RAB37: variants seen among roughly 807,000 people sequenced by gnomAD.
RAB37 encodes RAB37, member RAS oncogene family, also known as ras-related protein Rab-37.
A neutral mutation model predicts 33.1 loss-of-function variants in RAB37; 29 were observed. The ratio of observed to expected loss-of-function variants is 0.88; its 90% CI spans 0.65 to 1.20. The LOEUF (loss-of-function observed/expected upper bound fraction) is 1.20, where lower values mean the gene tolerates loss of function less well. Ranked by LOEUF, RAB37 falls within the 50% of genes most tolerant of loss-of-function variation. RAB37 has a pLI of 0.00. For missense variants in RAB37, 299 were observed against 301.1 expected, an observed-to-expected ratio of 0.99 and a Z score of 0.05; for synonymous variants, 128 against 119.5, an observed-to-expected ratio of 1.07 and a Z score of -0.47.
In RAB37 at chr17:74,674,389, T is replaced by C. The variant is rs138301794; in HGVS notation, c.72+2731T>C. On this transcript the variant is annotated intron_variant, in intron 1 of 7. Coordinates refer to the RAB37 transcript ENST00000340415. ...AGCCACCATGCCCAGCGTGGGGAAA[T>C]GATTTTTTAAATAGACTTGTTATTG... Among the ~76,000 whole-genome samples the C allele has an allele frequency of 3.1e-3, 468 of 150,468 alleles. 4 individuals are homozygous for C. Among genetic ancestry groups the C allele is most frequent in the African/African-American group, 0.01 (428 of 40,964 alleles).
chr17:74,737,493 A>C, intron 1 of RAB37, 128 bp downstream of exon 1: 2 of 1,103,762 alleles, frequency 1.8e-6, no homozygotes, highest in Non-Finnish European at 2.5e-6. Context: ...AGAGAGGGTC[A>C]GGACACAGCC....
chr17:74,726,381 G>T (rs2034308532), intron 1 of RAB37, among the ~76,000 whole-genome samples: 1 of 152,034 alleles, frequency 6.6e-6, no homozygotes. Flanking sequence ...AGACAGGACT[G>T]TTTCCTATGA....
chr17:74,741,742 C>G (rs1312942274), intron 2 of RAB37, among the ~76,000 whole-genome samples: 2 of 152,184 alleles, frequency 1.3e-5, no homozygotes, highest in Non-Finnish European at 2.9e-5. Flanking sequence ...AGGTCTCACC[C>G]TGGCAGGTGG....
Position 74,737,783 on chromosome 17 carries a change from G to A in RAB37, c.93+418G>A, listed in dbSNP as rs950802435. 1.1e-4 allele frequency among the ~76,000 whole-genome samples: 17 copies of A among 152,138 alleles called. No individual in the cohort carries two copies. The South Asian group carries it at 2.3e-3, about 20-fold the overall frequency. ...AACTGGCGTTAATGCCATTTTCCGAGCTAAGCTCTTAGTTGAGATCTGACA... is the reference window on the plus strand; with the variant it reads ...AACTGGCGTTAATGCCATTTTCCGAACTAAGCTCTTAGTTGAGATCTGACA... On this transcript the variant is annotated intron_variant, in intron 1 of 8. Coordinates refer to ENST00000392613, the MANE Select transcript of RAB37 (RefSeq NM_001006638.3).
chr17:74,737,214 G>GC, upstream of RAB37: 4 of 1,245,250 alleles, frequency 3.2e-6, no homozygotes, highest in African/African-American at 1.5e-5. Flanking sequence ...CGGGGGTGGG[G>GC]CCGTTCCTGC....
At chr17:74,722,557 T>C (rs947858482) in intron 1 of RAB37, among the ~76,000 whole-genome samples, 1 of 152,208 alleles carries the variant, frequency 6.6e-6, no homozygotes, top group African/African-American at 2.4e-5. Context: ...ACAAAGTACC[T>C]TCACAGCAAC....
intron 1 of RAB37, among the ~76,000 whole-genome samples, chr17:74,680,037 A>T (rs531117847): frequency 6.6e-6 from 1 of 151,914 alleles, no homozygotes; most frequent in East Asian, 1.9e-4. Context: ...GGTCATAGCC[A>T]GCATTGTGGA....
At chr17:74,674,897 G>A (rs1055694217) in intron 1 of RAB37, among the ~76,000 whole-genome samples, 2 of 152,086 alleles carry the variant, frequency 1.3e-5, no homozygotes, top group African/African-American at 4.8e-5. Context: ...CTTGTGTTTT[G>A]ACAGCACAGC....
Position 74,744,962 on chromosome 17 carries a change from T to TG in RAB37, c.489+38dup. ...ATTGTCTGTGGGACAGGGTGAAGGGTGGGGGCAACCCGACGCTGGCCCTGA... is the reference window on the plus strand; with the variant it reads ...ATTGTCTGTGGGACAGGGTGAAGGGTGGGGGGCAACCCGACGCTGGCCCTGA... On this transcript the variant is annotated intron_variant, in intron 7 of 8. Transcript: ENST00000392613. This position sits in a 1 kb window ranked among gnomAD's most constrained non-coding sequence, Gnocchi z 4.2. The TG allele has an allele frequency of 6.2e-7, 1 of 1,614,036 alleles. No individual in the cohort carries two copies. The highest frequency in any genetic ancestry group is 1.6e-4 in the Middle Eastern group (1 of 6,062).
intron 1 of RAB37, among the ~76,000 whole-genome samples, chr17:74,692,874 A>C (rs1440033597): frequency 6.6e-6 from 1 of 152,196 alleles, no homozygotes; most frequent in Non-Finnish European, 1.5e-5. Context: ...TTCTACTCCA[A>C]ATACACTGCT....
At chr17:74,723,719 C>T (rs1285870841) in intron 1 of RAB37, among the ~76,000 whole-genome samples, 1 of 151,772 alleles carries the variant, frequency 6.6e-6, no homozygotes, top group Admixed American at 6.6e-5. Context: ...GCTGGGACTA[C>T]AGGCGCGCAT....
intron 1 of RAB37, among the ~76,000 whole-genome samples, chr17:74,721,237 C>T (rs2034235381): frequency 6.6e-6 from 1 of 152,168 alleles, no homozygotes; most frequent in African/African-American, 2.4e-5. Context: ...ATCGCCAGGA[C>T]CTCGCCCTCT....
chr17:74,737,450 CCCAGG>C, intron 1 of RAB37, 85 bp downstream of exon 1: 2 of 1,388,120 alleles, frequency 1.4e-6, no homozygotes, highest in Admixed American at 2.3e-5. Flanking sequence ...CAGCCCTTCC[CCCAGG>C]CAGCTGCGTC....
At chr17:74,688,084 C>T (rs1239555119) in intron 1 of RAB37, among the ~76,000 whole-genome samples, 1 of 152,208 alleles carries the variant, frequency 6.6e-6, no homozygotes, top group African/African-American at 2.4e-5. Context: ...CCTTCAGTCT[C>T]TTACTGGAGC....
intron 1 of RAB37, chr17:74,704,778 C>T: frequency 6.2e-7 from 1 of 1,614,080 alleles, no homozygotes; most frequent in South Asian, 1.1e-5. Flanking sequence ...AAGCCATTCA[C>T]TGTTGTTGGA....
chr17:74,715,739 G>T (rs1018188894), intron 1 of RAB37, among the ~76,000 whole-genome samples: 1 of 152,122 alleles, frequency 6.6e-6, no homozygotes, highest in Non-Finnish European at 1.5e-5. Context: ...CAAGAACAGA[G>T]AATTCAGGCC....
At chr17:74,697,152 C>T (rs1354801227) in intron 1 of RAB37, among the ~76,000 whole-genome samples, 1 of 152,144 alleles carries the variant, frequency 6.6e-6, no homozygotes, top group Admixed American at 6.5e-5. Flanking sequence ...CCATGTTGGC[C>T]AGGCTGGTCT....
chr17:74,707,321 A>G (rs2033599476), intron 1 of RAB37, among the ~76,000 whole-genome samples: 1 of 152,246 alleles, frequency 6.6e-6, no homozygotes, highest in Non-Finnish European at 1.5e-5. Context: ...AAAACTGGGC[A>G]AGGAATCTGA....
chr17:74,723,844 G>C (rs1261405613), intron 1 of RAB37, among the ~76,000 whole-genome samples: 1 of 152,030 alleles, frequency 6.6e-6, no homozygotes, highest in Non-Finnish European at 1.5e-5. Flanking sequence ...AAAATGCTGG[G>C]ATTACAGGCA....
Sources: allele counts gnomAD v4.1 joint callset (sites outside exome capture counted in the v4.1 genomes callset), GRCh38; gene constraint gnomAD v4.1.1; non-coding constraint Gnocchi (gnomAD v3.1); transcripts MANE v1.5; gene names NCBI Gene and HGNC (gene_info 2026-07-23, HGNC 2026-07-21).